Variants in FBXL17 observed in about 807,000 individuals in gnomAD.
FBXL17 encodes the protein F-box and leucine rich repeat protein 17, also known as F-box/LRR-repeat protein 17.
Under a neutral mutation model 66.2 loss-of-function variants are expected in FBXL17, and 22 were observed. The ratio of observed to expected loss-of-function variants is 0.33; its 90% CI spans 0.24 to 0.47. FBXL17 has a LOEUF of 0.47. Ranked by LOEUF, FBXL17 falls within the 20% of genes least tolerant of loss-of-function variation. The pLI, the probability that FBXL17 is intolerant of heterozygous loss-of-function variation, is 1.00. For missense variants in FBXL17, 878 were observed against 948.2 expected, an observed-to-expected ratio of 0.93 and a Z score of 0.97; for synonymous variants, 474 against 400.5, an observed-to-expected ratio of 1.18 and a Z score of -2.19.
chr5:108,360,433 T>C (rs552039991), intron 3 of FBXL17, among the ~76,000 whole-genome samples: 3 of 152,262 alleles, frequency 2.0e-5, no homozygotes, highest in South Asian at 2.1e-4. Flanking sequence ...CTGGCTTCCA[T>C]AGTTTCTGAT....
At chr5:108,309,968 A>G (rs946582822) in intron 4 of FBXL17, among the ~76,000 whole-genome samples, 23 of 152,318 alleles carry the variant, frequency 1.5e-4, no homozygotes, top group African/African-American at 5.5e-4. Context: ...AAATTATGTT[A>G]GATGGCTAAA....
At chr5:108,130,492 A>G (rs528333071) in intron 6 of FBXL17, among the ~76,000 whole-genome samples, 19 of 152,134 alleles carry the variant, frequency 1.2e-4, no homozygotes, top group Middle Eastern at 3.4e-3. Context: ...TTCAGTTTAA[A>G]TGAATAAAGA....
At chr5:107,942,704 C>T (rs528902207) in intron 7 of FBXL17, among the ~76,000 whole-genome samples, 1 of 152,098 alleles carries the variant, frequency 6.6e-6, no homozygotes, top group East Asian at 1.9e-4. Flanking sequence ...AATGCCTCTC[C>T]CTAGTATCTC....
At chr5:108,076,998 A>G (rs1748577927) in intron 6 of FBXL17, among the ~76,000 whole-genome samples, 2 of 152,308 alleles carry the variant, frequency 1.3e-5, no homozygotes, top group African/African-American at 4.8e-5. Flanking sequence ...TTCTTTTACA[A>G]GGTTCCAGAC....
intron 6 of FBXL17, among the ~76,000 whole-genome samples, chr5:108,148,131 T>A (rs1751630617): frequency 1.3e-5 from 2 of 152,126 alleles, no homozygotes; most frequent in African/African-American, 4.8e-5. Context: ...ACATCGATTG[T>A]ATAAAACAAT....
intron 6 of FBXL17, among the ~76,000 whole-genome samples, chr5:108,153,658 T>TA (rs1751856431): frequency 6.6e-6 from 1 of 152,066 alleles, no homozygotes; most frequent in Non-Finnish European, 1.5e-5. Context: ...CATCTGTGAC[T>TA]AAGAGTTAGG....
At chr5:108,356,007 G>C (rs1260831564) in intron 3 of FBXL17, among the ~76,000 whole-genome samples, 2 of 152,106 alleles carry the variant, frequency 1.3e-5, no homozygotes, top group African/African-American at 4.8e-5. Flanking sequence ...TAAATAGACA[G>C]AAATATATAA....
chr5:107,877,714 G>T (rs2112496142), intron 8 of FBXL17, among the ~76,000 whole-genome samples: 1 of 152,162 alleles, frequency 6.6e-6, no homozygotes, highest in South Asian at 2.1e-4. Flanking sequence ...TTGAGTAGAT[G>T]CTGAGGTTCC....
At chr5:108,332,499 G>C (rs1760169925) in intron 4 of FBXL17, among the ~76,000 whole-genome samples, 1 of 152,088 alleles carries the variant, frequency 6.6e-6, no homozygotes, top group Admixed American at 6.6e-5. Context: ...AATTACCTGA[G>C]AAAACCAAAA....
At chr5:108,193,173 C>T (rs928538877) in intron 5 of FBXL17, among the ~76,000 whole-genome samples, 1 of 152,194 alleles carries the variant, frequency 6.6e-6, no homozygotes, top group African/African-American at 2.4e-5. Flanking sequence ...AGGGTTAAGA[C>T]AGGCTGCCTT....
At chr5:108,067,766 C>T (rs1748173377) in intron 6 of FBXL17, among the ~76,000 whole-genome samples, 1 of 152,172 alleles carries the variant, frequency 6.6e-6, no homozygotes, top group Admixed American at 6.5e-5. Context: ...TTGTACTGTG[C>T]ATAGCTTAAT....
chr5:108,323,517 T>C (rs1016442520), intron 4 of FBXL17, among the ~76,000 whole-genome samples: 37 of 152,022 alleles, frequency 2.4e-4, no homozygotes, highest in African/African-American at 8.7e-4. Context: ...AAAATGTCTA[T>C]ACTACTCATT....
chr5:108,351,961 T>A (rs1300175974), intron 3 of FBXL17, among the ~76,000 whole-genome samples: 1 of 152,220 alleles, frequency 6.6e-6, no homozygotes, highest in Non-Finnish European at 1.5e-5. Context: ...TACATGGTGT[T>A]TTGACATTGA....
At chr5:107,878,742 C>G in intron 8 of FBXL17, 1 of 985,436 alleles carries the variant, frequency 1.0e-6, no homozygotes, top group Non-Finnish European at 1.2e-6. Context: ...CTGTGCAAGG[C>G]TTTACTTGTG....
chr5:108,150,966 C>CA (rs1428150567), intron 6 of FBXL17, among the ~76,000 whole-genome samples: 3 of 152,158 alleles, frequency 2.0e-5, no homozygotes, highest in African/African-American at 4.8e-5. Flanking sequence ...ATGAATCTGA[C>CA]AACCTTAGTT....
chr5:107,890,280 T>G (rs1027911388), intron 7 of FBXL17, among the ~76,000 whole-genome samples: 1 of 152,010 alleles, frequency 6.6e-6, no homozygotes, highest in Non-Finnish European at 1.5e-5. Flanking sequence ...GTCATACATC[T>G]GCCTTGTCCA....
chr5:108,124,482 G>C (rs544921827), intron 6 of FBXL17, among the ~76,000 whole-genome samples: 3 of 151,910 alleles, frequency 2.0e-5, no homozygotes, highest in Non-Finnish European at 4.4e-5. Flanking sequence ...CCAAACTTAA[G>C]CAAATTCAAG....
intron 7 of FBXL17, among the ~76,000 whole-genome samples, chr5:107,931,824 C>T (rs780617135): frequency 5.9e-5 from 9 of 152,110 alleles, no homozygotes; most frequent in Admixed American, 5.2e-4. Flanking sequence ...TTTATCAATG[C>T]CATTTCTATT....
chr5:108,333,660 A>G (rs1760241372), intron 4 of FBXL17, among the ~76,000 whole-genome samples: 1 of 152,162 alleles, frequency 6.6e-6, no homozygotes. Flanking sequence ...TCAACACAGG[A>G]AGCTAACAAA....
Sources: gnomAD v4.1 joint callset for allele counts (sites outside exome capture counted in the v4.1 genomes callset) on GRCh38, gnomAD v4.1.1 for gene constraint, MANE v1.5 for transcripts, NCBI Gene and HGNC (gene_info 2026-07-23, HGNC 2026-07-21) for gene names.